The following DPYSL5 variants were observed in gnomAD, a reference collection of about 807,000 sequenced individuals.
DPYSL5 encodes dihydropyrimidinase-related protein 5.
A neutral mutation model predicts 58.4 loss-of-function variants in DPYSL5; 9 were observed. That is an observed-to-expected ratio of 0.15 (90% CI 0.09 to 0.27). The LOEUF (loss-of-function observed/expected upper bound fraction) is 0.27, where lower values mean the gene tolerates loss of function less well. DPYSL5 is among the 10% of genes least tolerant of loss of function. The pLI is 1.00. For missense variants in DPYSL5, 499 were observed against 770.6 expected, an observed-to-expected ratio of 0.65 and a Z score of 4.17; for synonymous variants, 293 against 301.9, an observed-to-expected ratio of 0.97 and a Z score of 0.31.
intron 2 of DPYSL5, among the ~76,000 whole-genome samples, chr2:26,908,714 A>G (rs557699764): frequency 1.3e-5 from 2 of 152,382 alleles, no homozygotes; most frequent in African/African-American, 4.8e-5. Context: ...TCTGTGATTG[A>G]GGCCAAGTGT....
At chr2:26,939,855 C>T in intron 8 of DPYSL5, 176 bp from the exon 9 acceptor site, 2 of 720,204 alleles carry the variant, frequency 2.8e-6, no homozygotes, top group South Asian at 3.7e-5. Context: ...GATGAGTAAA[C>T]TGAGGTTCAC....
chr2:26,898,889 G>A lies in DPYSL5; in HGVS notation c.261+129G>A, dbSNP rs1169147606. The A allele has an allele frequency of 3.6e-6, 4 of 1,126,334 alleles. No individual in the cohort carries two copies. The African/African-American group carries it at 6.3e-5, about 18-fold the overall frequency. The allele number at this position is 1,126,334 out of a possible 1,614,324, so 69.8% of individuals were successfully genotyped here. A position where few individuals can be genotyped will look rare whatever the true frequency, so the allele number is the denominator to read the frequency against. ...TTGCTGGCAGGAGAAGGGTGTGTCA[G>A]GGCCACTGTGGCAACTACAATAGGG... is the stretch of plus-strand genomic sequence containing the variant. On this transcript the variant is annotated intron_variant, in intron 2 of 12. Coordinates refer to ENST00000288699, the MANE Select transcript of DPYSL5 (RefSeq NM_020134.4). The surrounding 1 kb of genome is among the most constrained non-coding windows in gnomAD (Gnocchi z 6.1).
rs746951685 is a variant in DPYSL5, at chr2:26,942,538, A to G, written c.1233-5A>G. ...CTTTCTCTCCCGCCATTGCCTCCCCACCAGGACCATCTCAGCCAGCACGCA... is the reference window on the plus strand; with the variant it reads ...CTTTCTCTCCCGCCATTGCCTCCCCGCCAGGACCATCTCAGCCAGCACGCA... On this transcript the variant is annotated splice_region_variant and splice_polypyrimidine_tract_variant and intron_variant, in intron 10 of 12. Transcript: ENST00000288699. This position sits in a 1 kb window ranked among gnomAD's most constrained non-coding sequence, Gnocchi z 5.9. 29 of 1,613,280 alleles carry G rather than the reference A, an allele frequency of 1.8e-5. No individual in the cohort carries two copies. The South Asian group carries it at 3.2e-4, about 18-fold the overall frequency.
intron 1 of DPYSL5, among the ~76,000 whole-genome samples, chr2:26,872,621 C>A (rs1489149577): frequency 6.6e-6 from 1 of 151,822 alleles, no homozygotes; most frequent in Admixed American, 6.6e-5. Flanking sequence ...ACCCAGGAGG[C>A]GGAGGTTGCA....
intron 1 of DPYSL5, among the ~76,000 whole-genome samples, chr2:26,869,364 G>A: frequency 6.6e-6 from 1 of 152,254 alleles, no homozygotes; most frequent in East Asian, 1.9e-4. Flanking sequence ...ATTTGCCGAT[G>A]ATTAGATTTT....
intron 1 of DPYSL5, among the ~76,000 whole-genome samples, chr2:26,875,417 G>A (rs1187013117): frequency 6.6e-6 from 1 of 152,176 alleles, no homozygotes. Context: ...CCAACAGGTG[G>A]GGGACCACAG....
At chr2:26,883,369 A>G (rs1410775743) in intron 1 of DPYSL5, among the ~76,000 whole-genome samples, 2 of 152,118 alleles carry the variant, frequency 1.3e-5, no homozygotes, top group Non-Finnish European at 2.9e-5. Flanking sequence ...GAATGGAATC[A>G]TACCGTATTT....
intron 1 of DPYSL5, among the ~76,000 whole-genome samples, chr2:26,857,313 G>C (rs1191540792): frequency 6.6e-6 from 1 of 152,184 alleles, no homozygotes; most frequent in Non-Finnish European, 1.5e-5. Context: ...AAGGTGGACA[G>C]ATCACCTGAG....
At position 26,849,416 on chromosome 2, in the gene DPYSL5, G is replaced by A. The variant is rs1351707363; in HGVS notation, c.-5+1162G>A. 6.6e-6 allele frequency among the ~76,000 whole-genome samples: 1 copy of A among 152,104 alleles called. No individual in the cohort carries two copies. The highest frequency in any genetic ancestry group is 2.4e-5 in the African/African-American group (1 of 41,442). ...CTCAGCTCCAGGCGCGGGGCCCCGC[G>A]GCCCAGGTGGCCGGCTGGGCGTGGC... On this transcript the variant is annotated intron_variant, in intron 1 of 12. Transcript: ENST00000288699. The surrounding 1 kb of genome is among the most constrained non-coding windows in gnomAD (Gnocchi z 6.2).
At chr2:26,929,894 T>G (rs770426366) in intron 5 of DPYSL5, among the ~76,000 whole-genome samples, 33 of 152,268 alleles carry the variant, frequency 2.2e-4, no homozygotes, top group Admixed American at 1.0e-3. Flanking sequence ...CCTATTACCC[T>G]GTTTACACAT....
Position 26,949,449 on chromosome 2 carries a change from G to A in DPYSL5, c.*2454G>A, listed in dbSNP as rs563983423. ...ACCCAGGCCTGGGAAAGCCACCAGG[G>A]ATGGGGGAAACCATGACGCCGCCTC... is the stretch of plus-strand genomic sequence containing the variant. On this transcript the variant is annotated 3_prime_UTR_variant, in exon 13 of 13. Coordinates refer to ENST00000288699, the MANE Select transcript of DPYSL5 (RefSeq NM_020134.4). The A allele has an allele frequency of 1.8e-3, 277 of 152,516 alleles. No homozygotes were observed. Among genetic ancestry groups the A allele is most frequent in the African/African-American group, 6.4e-3 (267 of 41,578 alleles). The allele number at this position is 152,516 out of a possible 1,614,324, so 9.4% of individuals were successfully genotyped here. A position where few individuals can be genotyped will look rare whatever the true frequency, so the allele number is the denominator to read the frequency against.
At chr2:26,909,080 T>C (rs1048476209) in intron 2 of DPYSL5, among the ~76,000 whole-genome samples, 3 of 152,220 alleles carry the variant, frequency 2.0e-5, no homozygotes, top group Non-Finnish European at 2.9e-5. Context: ...GAAATTTGCG[T>C]AGGTGCCAGA....
In DPYSL5 at chr2:26,940,998, G is replaced by A. The variant is rs554479188; in HGVS notation, c.1089+826G>A. On this transcript the variant is annotated intron_variant, in intron 9 of 12. Transcript: ENST00000288699. ...GTTGCCCGGGCTGGAGTACAATGGC[G>A]CTGTCTCGGCTCACTGCAACCTCCG... Among the ~76,000 whole-genome samples, 9 of 150,296 alleles carry A rather than the reference G, an allele frequency of 6.0e-5. No homozygotes were observed. The South Asian group carries it at 1.1e-3, about 18-fold the overall frequency.
At position 26,949,798 on chromosome 2, in the gene DPYSL5, A is replaced by C. The variant is rs2148183814; in HGVS notation, c.*2803A>C. The C allele has an allele frequency of 6.6e-6, 1 of 152,538 alleles. No homozygotes were observed. The highest frequency in any genetic ancestry group is 1.9e-4 in the East Asian group (1 of 5,162). The allele number at this position is 152,538 out of a possible 1,614,324, so 9.4% of individuals were successfully genotyped here. On this transcript the variant is annotated 3_prime_UTR_variant, in exon 13 of 13. Transcript: ENST00000288699. The stretch of plus-strand genomic sequence containing the variant: ...GGAGCCAAATGAGCGGTCAGCCCCC[A>C]CCATGCACTCCTTGCCCCGTGCAGA...
intron 1 of DPYSL5, among the ~76,000 whole-genome samples, chr2:26,878,232 T>C (rs1229009451): frequency 6.6e-6 from 1 of 152,276 alleles, no homozygotes; most frequent in Admixed American, 6.5e-5. Context: ...CATTTGCATT[T>C]ATTTAATTAT....
intron 1 of DPYSL5, among the ~76,000 whole-genome samples, chr2:26,868,512 T>C (rs1319785680): frequency 6.6e-6 from 1 of 152,202 alleles, no homozygotes; most frequent in Admixed American, 6.5e-5. Flanking sequence ...GATTTTGATA[T>C]ATGCTGTAAG....
chr2:26,912,304 C>G (rs1360267060), intron 2 of DPYSL5, among the ~76,000 whole-genome samples: 1 of 152,244 alleles, frequency 6.6e-6, no homozygotes, highest in African/African-American at 2.4e-5. Flanking sequence ...TTCCTGGAAA[C>G]CACATTTCCA....
At chr2:26,946,816 G>T in intron 12 of DPYSL5, 94 bp from the exon 13 acceptor site, 2 of 900,336 alleles carry the variant, frequency 2.2e-6, no homozygotes, top group Non-Finnish European at 3.6e-6. Context: ...GATTCACTCA[G>T]GCCATGCACA....
At chr2:26,887,976 G>A (rs1292720590) in intron 1 of DPYSL5, among the ~76,000 whole-genome samples, 2 of 152,184 alleles carry the variant, frequency 1.3e-5, no homozygotes, top group Non-Finnish European at 2.9e-5. Context: ...TGCTGTGGAA[G>A]GCATCATTAC....
Sources: gnomAD v4.1 joint callset for allele counts (sites outside exome capture counted in the v4.1 genomes callset) on GRCh38, gnomAD v4.1.1 for gene constraint, Gnocchi (gnomAD v3.1) non-coding constraint, MANE v1.5 for transcripts, NCBI Gene and HGNC (gene_info 2026-07-23, HGNC 2026-07-21) for gene names.